The following CNBD1 variants were observed in gnomAD, a reference collection of about 807,000 sequenced individuals.
The protein encoded by CNBD1 is cyclic nucleotide binding domain containing 1, also known as cyclic nucleotide-binding domain-containing protein 1.
In CNBD1, 71 loss-of-function variants were observed where a neutral mutation model predicts 54.4. That is an observed-to-expected ratio of 1.30 (90% confidence interval 1.08 to 1.59). The LOEUF is 1.59. Among genes scored for constraint, CNBD1 ranks in the 40% most tolerant of loss-of-function variants. The pLI is 0.00. For missense variants in CNBD1, 659 were observed against 518.0 expected, an observed-to-expected ratio of 1.27 and a Z score of -2.64; for synonymous variants, 182 against 170.7, an observed-to-expected ratio of 1.07 and a Z score of -0.51.
intron 4 of CNBD1, among the ~76,000 whole-genome samples, chr8:87,096,669 C>T (rs1035831348): frequency 3.3e-5 from 5 of 152,122 alleles, no homozygotes; most frequent in East Asian, 3.9e-4. Context: ...AAGCAAAATG[C>T]GTGTTCCATC....
intron 4 of CNBD1, among the ~76,000 whole-genome samples, chr8:87,114,654 A>G (rs566338575): frequency 3.9e-5 from 6 of 152,150 alleles, no homozygotes; most frequent in Non-Finnish European, 8.8e-5. Context: ...CCAGCTGCCA[A>G]TGATTGACAT....
chr8:87,122,337 A>G (rs1005453837), intron 4 of CNBD1, among the ~76,000 whole-genome samples: 2 of 151,634 alleles, frequency 1.3e-5, no homozygotes, highest in African/African-American at 4.8e-5. Flanking sequence ...CATCTGGTGG[A>G]AATTTGTATG....
intron 4 of CNBD1, among the ~76,000 whole-genome samples, chr8:87,147,429 A>AT (rs568275998): frequency 2.5e-4 from 37 of 148,532 alleles, no homozygotes; most frequent in Admixed American, 8.8e-4. Flanking sequence ...TTAATACTTT[A>AT]TTTTTTTTTT....
At chr8:87,171,783 G>A (rs1011799612) in intron 4 of CNBD1, among the ~76,000 whole-genome samples, 2 of 151,218 alleles carry the variant, frequency 1.3e-5, no homozygotes, top group Non-Finnish European at 2.9e-5. Context: ...GATTACAGGT[G>A]CCCACCACCA....
chr8:87,274,776 A>T (rs1205559415), intron 6 of CNBD1, among the ~76,000 whole-genome samples: 3 of 134,374 alleles, frequency 2.2e-5, no homozygotes, highest in Non-Finnish European at 4.8e-5. Context: ...TAGTTTAATT[A>T]GATCCCATTT....
intron 3 of CNBD1, among the ~76,000 whole-genome samples, chr8:86,918,311 C>G (rs775943014): frequency 2.6e-5 from 4 of 152,134 alleles, no homozygotes; most frequent in Admixed American, 6.5e-5. Context: ...GACAGAAAAA[C>G]ACCTGTGTAA....
intron 3 of CNBD1, among the ~76,000 whole-genome samples, chr8:86,927,387 G>T (rs752534569): frequency 1.6e-4 from 25 of 152,128 alleles, no homozygotes; most frequent in Non-Finnish European, 3.2e-4. Context: ...ACAAAACCCA[G>T]ACTGTTTGTT....
chr8:87,223,795 T>C (rs1317750338), intron 5 of CNBD1, among the ~76,000 whole-genome samples: 2 of 152,090 alleles, frequency 1.3e-5, no homozygotes, highest in Admixed American at 1.3e-4. Context: ...TTTCCAGTTC[T>C]AGATCCCTGA....
At chr8:87,243,863 A>T (rs1807750224) in intron 6 of CNBD1, among the ~76,000 whole-genome samples, 1 of 152,214 alleles carries the variant, frequency 6.6e-6, no homozygotes, top group Admixed American at 6.5e-5. Context: ...CAGTGAAAAA[A>T]GACACAGAAT....
chr8:87,320,625 G>A (rs577032667), intron 8 of CNBD1, among the ~76,000 whole-genome samples: 1 of 147,316 alleles, frequency 6.8e-6, no homozygotes, highest in Non-Finnish European at 1.5e-5. Flanking sequence ...TGTGTGGGGG[G>A]GCGGCTCAGG....
intron 4 of CNBD1, among the ~76,000 whole-genome samples, chr8:87,128,920 TAAAA>T (rs71277914): frequency 7.9e-6 from 1 of 126,362 alleles, no homozygotes. Context: ...CGTCTCCACT[TAAAA>T]AAAAAAAAAA....
chr8:87,322,944 C>T (rs78124317), intron 8 of CNBD1, among the ~76,000 whole-genome samples: 6 of 85,504 alleles, frequency 7.0e-5, no homozygotes, highest in East Asian at 5.2e-4. Context: ...TTAGGTCTAA[C>T]GTTTAAATCT....
intron 3 of CNBD1, among the ~76,000 whole-genome samples, chr8:86,938,015 G>A (rs750704576): frequency 2.0e-5 from 3 of 152,082 alleles, no homozygotes; most frequent in Non-Finnish European, 4.4e-5. Context: ...AAAGCTGAAT[G>A]CATTTAATAG....
At chr8:87,099,125 A>C (rs1171143094) in intron 4 of CNBD1, among the ~76,000 whole-genome samples, 2 of 152,026 alleles carry the variant, frequency 1.3e-5, no homozygotes, top group Non-Finnish European at 2.9e-5. Flanking sequence ...CAATATAAAA[A>C]ATACATGATT....
intron 5 of CNBD1, among the ~76,000 whole-genome samples, chr8:87,229,892 T>C (rs1408516317): frequency 1.3e-5 from 2 of 152,214 alleles, no homozygotes; most frequent in Non-Finnish European, 2.9e-5. Flanking sequence ...ATTTCTGAAC[T>C]CTCTTACAAA....
intron 4 of CNBD1, among the ~76,000 whole-genome samples, chr8:87,057,600 A>G (rs564727323): frequency 3.5e-4 from 53 of 152,270 alleles, no homozygotes; most frequent in African/African-American, 1.3e-3. Context: ...TGTAATCCCA[A>G]CACTTTGGGA....
At chr8:87,004,915 G>C (rs533618704) in intron 4 of CNBD1, among the ~76,000 whole-genome samples, 1 of 152,014 alleles carries the variant, frequency 6.6e-6, no homozygotes, top group Admixed American at 6.6e-5. Flanking sequence ...TAAAAAAATG[G>C]GTGGTGATAA....
intron 4 of CNBD1, among the ~76,000 whole-genome samples, chr8:87,140,501 A>T (rs1041644684): frequency 6.6e-6 from 1 of 152,152 alleles, no homozygotes; most frequent in Non-Finnish European, 1.5e-5. Flanking sequence ...CTTCTAAAAA[A>T]CAGTGAATGG....
intron 4 of CNBD1, among the ~76,000 whole-genome samples, chr8:86,940,465 C>T (rs1239892085): frequency 2.0e-5 from 3 of 152,118 alleles, no homozygotes; most frequent in Non-Finnish European, 4.4e-5. Flanking sequence ...CGCACCCGGC[C>T]CCATTCCTTT....
Sources: allele counts gnomAD v4.1 joint callset (sites outside exome capture counted in the v4.1 genomes callset), GRCh38; gene constraint gnomAD v4.1.1; transcripts MANE v1.5; gene names NCBI Gene and HGNC (gene_info 2026-07-23, HGNC 2026-07-21).